The following ZMIZ2 variants were observed in gnomAD, a reference collection of about 807,000 sequenced individuals.
ZMIZ2 encodes zinc finger MIZ domain-containing protein 2.
In ZMIZ2, 26 loss-of-function variants were observed where a neutral mutation model predicts 93.9. The observed-to-expected ratio is 0.28, with a 90% CI of 0.20 to 0.38. The LOEUF (loss-of-function observed/expected upper bound fraction) is 0.38. ZMIZ2 is among the 10% of genes least tolerant of loss of function. The probability of loss-of-function intolerance (pLI) is 1.00; values close to 1 mark genes in which losing one functional copy is unlikely to be tolerated. For missense variants in ZMIZ2, 1,023 were observed against 1,235.0 expected, an observed-to-expected ratio of 0.83 and a Z score of 2.57; for synonymous variants, 485 against 516.4, an observed-to-expected ratio of 0.94 and a Z score of 0.82.
rs1446458973 is a variant in ZMIZ2 at position 44,768,878 on chromosome 7, G to A, written c.*1255G>A. ...TTCAAGCCAAGGCTCGGCTATTCCC[G>A]CCCCATAGTAAATTTCCTTTTCCCT... On this transcript the variant is annotated 3_prime_UTR_variant, in exon 19 of 19. Transcript: ENST00000309315. The A allele has an allele frequency of 2.6e-5, 4 of 152,314 alleles. No individual in the cohort carries two copies. The highest frequency in any genetic ancestry group is 4.4e-5 in the Non-Finnish European group (3 of 68,038). 9.4% of individuals were successfully genotyped at this position (152,314 alleles called of 1,614,324 possible). A position where few individuals can be genotyped will look rare whatever the true frequency, so the allele number is the denominator to read the frequency against.
chr7:44,766,807 T>C lies in ZMIZ2; in HGVS notation c.2655+144T>C. 5.2e-6 allele frequency: 7 copies of C among 1,349,252 alleles called. No homozygotes were observed. Among genetic ancestry groups the C allele is most frequent in the South Asian group, 1.5e-5 (1 of 68,874 alleles). 83.6% of individuals were successfully genotyped at this position (1,349,252 alleles called of 1,614,324 possible). ...GTCAACTAAATGCAGCTTTTGTTCATGAATTAGATACCTGGAGTAGCTGCG... is the reference window on the plus strand; with the variant it reads ...GTCAACTAAATGCAGCTTTTGTTCACGAATTAGATACCTGGAGTAGCTGCG... On this transcript the variant is annotated intron_variant, in intron 18 of 18. Coordinates refer to ENST00000309315, the MANE Select transcript of ZMIZ2 (RefSeq NM_031449.4). The surrounding 1 kb of genome is among the most constrained non-coding windows in gnomAD (Gnocchi z 4.4).
upstream of ZMIZ2, chr7:44,748,748 CGCCCCGAGCGCCG>C (rs1247218180): frequency 6.6e-6 from 1 of 151,122 alleles, no homozygotes; most frequent in Non-Finnish European, 1.5e-5. Flanking sequence ...CGGCCGCCCC[CGCCCCGAGCGCCG>C]GCTCGGGGCT....
In ZMIZ2 at chr7:44,766,688, G is replaced by T. The variant is rs1791744845; in HGVS notation, c.2655+25G>T. ...CGTGAGTACCAGGCCCCATGCGGGG[G>T]AGTGCGTGGGAGCCAGGGCTAGAGG... On this transcript the variant is annotated intron_variant, in intron 18 of 18. Transcript: ENST00000309315. This position sits in a 1 kb window ranked among gnomAD's most constrained non-coding sequence, Gnocchi z 4.4. 1 of 1,608,874 alleles carries T rather than the reference G, an allele frequency of 6.2e-7. No individual in the cohort carries two copies.
chr7:44,758,206 A>G (rs1435519157), intron 6 of ZMIZ2, 98 bp downstream of exon 6: 3 of 1,418,860 alleles, frequency 2.1e-6, no homozygotes, highest in South Asian at 3.3e-5. Flanking sequence ...CTGGCTGGGC[A>G]TGGTGGCTCA....
chr7:44,757,331 C>T (rs778014630), intron 4 of ZMIZ2, 47 bp from the exon 5 acceptor site: 2 of 1,582,600 alleles, frequency 1.3e-6, no homozygotes, highest in Admixed American at 1.7e-5. Context: ...CAGTCCTGGC[C>T]CTCATGAGCC....
chr7:44,756,659 G>C (rs530470858), intron 3 of ZMIZ2, 120 bp downstream of exon 3: 1 of 1,122,100 alleles, frequency 8.9e-7, no homozygotes, highest in Non-Finnish European at 1.3e-6. Flanking sequence ...CAGAGAGGCT[G>C]AGGCATGACA....
At chr7:44,754,482 G>A (rs950272753) in intron 1 of ZMIZ2, among the ~76,000 whole-genome samples, 2 of 152,210 alleles carry the variant, frequency 1.3e-5, no homozygotes, top group African/African-American at 4.8e-5. Flanking sequence ...GTGATGGGAA[G>A]ATCCAGTGAA....
Position 44,767,463 on chromosome 7 carries a change from A to G in ZMIZ2, c.2656-53A>G, listed in dbSNP as rs1276834094. 4 of 1,409,272 alleles carry G rather than the reference A, an allele frequency of 2.8e-6. No homozygotes were observed. In the African/African-American group the frequency reaches 4.2e-5, roughly 15 times the overall value. 87.3% of individuals were successfully genotyped at this position (1,409,272 alleles called of 1,614,324 possible). ...GGATGTGGTGACAGGATGGTCACTC[A>G]GGTGTGGCCAGTCAGTGACCAAAGC... is the stretch of plus-strand genomic sequence containing the variant. On this transcript the variant is annotated intron_variant, in intron 18 of 18. Transcript: ENST00000309315.
At chr7:44,752,747 C>CG (rs1395240697) in intron 1 of ZMIZ2, among the ~76,000 whole-genome samples, 2 of 152,210 alleles carry the variant, frequency 1.3e-5, no homozygotes, top group African/African-American at 4.8e-5. Context: ...TGATTTAACT[C>CG]TTCATCCATT....
intron 9 of ZMIZ2, among the ~76,000 whole-genome samples, 164 bp downstream of exon 9, chr7:44,760,757 C>T (rs2116798565): frequency 6.6e-6 from 1 of 151,476 alleles, no homozygotes; most frequent in East Asian, 1.9e-4. Context: ...AATCCCAGCA[C>T]CTTCGGAGGC....
At chr7:44,758,171 T>G in intron 6 of ZMIZ2, 63 bp downstream of exon 6, 1 of 1,470,072 alleles carries the variant, frequency 6.8e-7, no homozygotes, top group Non-Finnish European at 9.0e-7. Flanking sequence ...AGGCACTCTT[T>G]AGAGCTGTGG....
At position 44,766,578 on chromosome 7, in the gene ZMIZ2, G is replaced by A; in HGVS notation, c.2570G>A (p.Gly857Asp). The A allele has an allele frequency of 6.2e-7, 1 of 1,613,736 alleles. No homozygotes were observed. Among genetic ancestry groups the A allele is most frequent in the Non-Finnish European group, 8.5e-7 (1 of 1,180,036 alleles). ...SLGQASLGPT[G>D]ELAFSPATGV... Reference sequence around the variant, plus strand: ...GGCCAAGCGAGCTTAGGACCTACGGGTGAACTGGCCTTCAGTCCTGCCACA... The same window carrying A: ...GGCCAAGCGAGCTTAGGACCTACGGATGAACTGGCCTTCAGTCCTGCCACA... The change falls in exon 18 of 19, where the codon GGT (glycine) becomes GAT (aspartate). Residue 857 changes from glycine to aspartate, a missense_variant. Around this residue, in one of 3 missense-constraint regions of ZMIZ2, gnomAD observed 319 missense variants for 358.8 expected, o/e 0.89. Transcript: ENST00000309315. The surrounding 1 kb of genome is among the most constrained non-coding windows in gnomAD (Gnocchi z 4.4).
In ZMIZ2 at chr7:44,757,443, C is replaced by T. The variant is rs772757648; in HGVS notation, c.434C>T (p.Thr145Met). The T allele has an allele frequency of 1.9e-6, 3 of 1,606,854 alleles. No homozygotes were observed. Among genetic ancestry groups the T allele is most frequent in the Admixed American group, 1.7e-5 (1 of 60,018 alleles). ...SHAARPSTDF[T>M]QAAAAAAVAA... ...GCTGCAAGACCCTCCACTGACTTCACGCAAGCGGCAGCTGCTGCAGCTGTG... is the reference window on the plus strand; with the variant it reads ...GCTGCAAGACCCTCCACTGACTTCATGCAAGCGGCAGCTGCTGCAGCTGTG... Residue 145 changes from threonine (T) to methionine (M), a missense_variant, in exon 5 of 19, where the codon ACG (threonine) becomes ATG (methionine). Around this residue, in one of 3 missense-constraint regions of ZMIZ2, gnomAD observed 656 missense variants for 777.1 expected, o/e 0.84. Transcript: ENST00000309315.
chr7:44,764,959 G>A lies in ZMIZ2; in HGVS notation c.1947G>A (p.Glu649=). The part of the protein sequence containing the change: ...CPVCNKTALL[E]GLEVDQYMLG... ...CCCACAGCAAGACAGCTTTGCTGGA[G>A]GGCCTGGAGGTGGACCAGTACATGC... Residue 649 remains glutamate (E), a synonymous_variant, in exon 15 of 19, where the codon GAG becomes GAA. Coordinates refer to ENST00000309315, the MANE Select transcript of ZMIZ2 (RefSeq NM_031449.4). 6.2e-7 allele frequency: 1 copy of A among 1,614,236 alleles called. No individual in the cohort carries two copies. Among genetic ancestry groups the A allele is most frequent in the African/African-American group, 1.3e-5 (1 of 75,078 alleles).
At chr7:44,762,275 T>G (rs1791276670) in intron 11 of ZMIZ2, among the ~76,000 whole-genome samples, 1 of 152,248 alleles carries the variant, frequency 6.6e-6, no homozygotes, top group Non-Finnish European at 1.5e-5. Context: ...TGTTTTCCAG[T>G]TAGAGTAAAT....
intron 7 of ZMIZ2, 143 bp downstream of exon 7, chr7:44,759,603 C>G: frequency 1.6e-6 from 1 of 607,726 alleles, no homozygotes; most frequent in South Asian, 6.2e-5. Context: ...TGCTCATGGA[C>G]CACAGCTCTA....
In ZMIZ2 at chr7:44,765,140, G is replaced by A. The variant is rs1791573296; in HGVS notation, c.1997+131G>A. 3 of 1,445,280 alleles carry A rather than the reference G, an allele frequency of 2.1e-6. No individual in the cohort carries two copies. The highest frequency in any genetic ancestry group is 2.8e-5 in the African/African-American group (2 of 71,938). The allele number at this position is 1,445,280 out of a possible 1,614,324, so 89.5% of individuals were successfully genotyped here. ...CGGCATGGAGCAGGCTGGATTCCAG[G>A]CCAGAGACAGCGTGTGTGTCCTACC... is the stretch of plus-strand genomic sequence containing the variant. On this transcript the variant is annotated intron_variant, in intron 15 of 18. Transcript: ENST00000309315. The surrounding 1 kb of genome is among the most constrained non-coding windows in gnomAD (Gnocchi z 4.1).
chr7:44,767,126 C>T (rs1471677047), intron 18 of ZMIZ2, among the ~76,000 whole-genome samples: 1 of 152,088 alleles, frequency 6.6e-6, no homozygotes, highest in African/African-American at 2.4e-5. Context: ...GGAAGAACAG[C>T]TCCAAGCAGA....
intron 4 of ZMIZ2, 76 bp downstream of exon 4, chr7:44,757,225 T>G: frequency 1.3e-6 from 2 of 1,516,030 alleles, no homozygotes; most frequent in Non-Finnish European, 1.8e-6. Flanking sequence ...GTGGCGCTGA[T>G]CAGCTGGACG....
Sources: gnomAD v4.1 joint callset for allele counts (sites outside exome capture counted in the v4.1 genomes callset) on GRCh38, gnomAD v4.1.1 for gene constraint, gnomAD v4.1.1 regional missense constraint, Gnocchi (gnomAD v3.1) non-coding constraint, MANE v1.5 for transcripts, NCBI Gene and HGNC (gene_info 2026-07-23, HGNC 2026-07-21) for gene names.